The following FAM228B variants were observed in gnomAD, a reference collection of about 807,000 sequenced individuals.
FAM228B encodes the protein protein FAM228B.
A neutral mutation model predicts 42.6 loss-of-function variants in FAM228B; 38 were observed. The ratio of observed to expected loss-of-function variants is 0.89; its 90% CI spans 0.69 to 1.17. The LOEUF (loss-of-function observed/expected upper bound fraction) is 1.17, where lower values mean the gene tolerates loss of function less well. FAM228B is among the 50% of genes most tolerant of loss of function. The probability of loss-of-function intolerance (pLI) is 0.00; values close to 1 mark genes in which losing one functional copy is unlikely to be tolerated. For synonymous variants in FAM228B, 109 were observed against 122.3 expected (o/e 0.89, Z 0.72); for missense variants, 344 against 367.3 (o/e 0.94, Z 0.52).
intron 3 of FAM228B, among the ~76,000 whole-genome samples, chr2:24,110,272 G>A (rs1462762211): frequency 6.6e-6 from 1 of 152,140 alleles, no homozygotes; most frequent in Non-Finnish European, 1.5e-5. Context: ...AGACACTGGG[G>A]CCTGCTTGAG....
At chr2:24,137,323 G>A (rs1185588499) in intron 3 of FAM228B, among the ~76,000 whole-genome samples, 2 of 152,090 alleles carry the variant, frequency 1.3e-5, no homozygotes, top group Non-Finnish European at 2.9e-5. Flanking sequence ...GGGTCTTATG[G>A]TAGGTCTGTT....
chr2:24,126,703 C>G (rs1006030265), intron 2 of FAM228B, among the ~76,000 whole-genome samples: 1 of 151,966 alleles, frequency 6.6e-6, no homozygotes, highest in Non-Finnish European at 1.5e-5. Flanking sequence ...CTCTGCCTCC[C>G]CGGTTCACGC....
intron 7 of FAM228B, among the ~76,000 whole-genome samples, chr2:24,155,740 C>T (rs537051175): frequency 6.8e-4 from 103 of 151,624 alleles, no homozygotes; most frequent in Admixed American, 2.8e-3. Context: ...AGGGTTTCAC[C>T]GTGTTGGCCA....
chr2:24,102,508 C>T (rs1381747711), intron 3 of FAM228B, among the ~76,000 whole-genome samples: 1 of 152,206 alleles, frequency 6.6e-6, no homozygotes, highest in East Asian at 1.9e-4. Flanking sequence ...AAGCCCAAGG[C>T]AGGCGGATCA....
intron 3 of FAM228B, among the ~76,000 whole-genome samples, chr2:24,101,544 C>T (rs989997294): frequency 1.3e-5 from 2 of 151,840 alleles, no homozygotes; most frequent in African/African-American, 2.4e-5. Context: ...AAACATAAAA[C>T]GTAATTGGAA....
chr2:24,107,992 C>A (rs1422491188), intron 3 of FAM228B, among the ~76,000 whole-genome samples: 3 of 152,018 alleles, frequency 2.0e-5, no homozygotes, highest in Non-Finnish European at 4.4e-5. Context: ...GAAATCGGTT[C>A]TTTGAAAGAA....
chr2:24,085,319 G>A (rs1665208704), intron 2 of FAM228B: 1 of 152,168 alleles, frequency 6.6e-6, no homozygotes, highest in Admixed American at 6.5e-5. Flanking sequence ...GGAGAAGGAT[G>A]CTGGCGATTG....
chr2:24,143,262 C>G (rs139677604), intron 5 of FAM228B, among the ~76,000 whole-genome samples: 27,063 of 151,980 alleles, frequency 0.18, 2,982 homozygotes, highest in Non-Finnish European at 0.25. Context: ...CTCACTGCAA[C>G]CTCCGCCTCC....
chr2:24,142,007 A>G lies in FAM228B; in HGVS notation c.441+2557A>G, dbSNP rs970311598. ...CAGCATTGGTAATCCATGTCTTCAG[A>G]TCCAGGTCCTTGCCCATGTCTGGCA... is the stretch of plus-strand genomic sequence containing the variant. On this transcript the variant is annotated intron_variant, in intron 5 of 10. Transcript: ENST00000615575. 2.0e-5 allele frequency among the ~76,000 whole-genome samples: 3 copies of G among 152,110 alleles called. No individual in the cohort carries two copies. The South Asian group carries it at 6.2e-4, about 32-fold the overall frequency.
Position 24,156,783 on chromosome 2 carries a change from C to CT in FAM228B, c.687-4723_687-4722insT, listed in dbSNP as rs1002218905. Among the ~76,000 whole-genome samples, 49 of 125,602 alleles carry CT rather than the reference C, an allele frequency of 3.9e-4. 1 individual carries two copies. The highest frequency in any genetic ancestry group is 6.9e-4 in the Non-Finnish European group (41 of 59,662). The allele number at this position is 125,602 out of a possible 152,430, so 82.4% of individuals were successfully genotyped here. A position where few individuals can be genotyped will look rare whatever the true frequency, so the allele number is the denominator to read the frequency against. On this transcript the variant is annotated intron_variant, in intron 7 of 10. Coordinates refer to ENST00000615575, the MANE Select transcript of FAM228B (RefSeq NM_001145710.2). ...TTATACATTTCTTTCCGCCCCCCCC[C>CT]CCCCAGCTTTTTGTTTCATTTATCT...
intron 5 of FAM228B, among the ~76,000 whole-genome samples, chr2:24,139,786 A>T (rs1666702787): frequency 6.6e-6 from 1 of 152,230 alleles, no homozygotes; most frequent in Non-Finnish European, 1.5e-5. Flanking sequence ...AAATTCTATT[A>T]CCCAGAATTA....
At chr2:24,159,798 G>A (rs1192603788) in intron 7 of FAM228B, among the ~76,000 whole-genome samples, 1 of 152,064 alleles carries the variant, frequency 6.6e-6, no homozygotes, top group Non-Finnish European at 1.5e-5. Flanking sequence ...ATTCTAGATT[G>A]ACAATTATTT....
At chr2:24,123,312 G>A (rs1345770091), upstream of FAM228B, 1 of 152,258 alleles carries the variant, frequency 6.6e-6, no homozygotes, top group Non-Finnish European at 1.5e-5. Flanking sequence ...ACGCGGTTGC[G>A]GGTGGGTGGC....
rs1665782037 is a variant in FAM228B at position 24,110,963 on chromosome 2, G to A, written c.-121+15734G>A. ...ACACTTGGTCAAAGAATTATTGTTG[G>A]AAACTACCAGGGTACTTAAATTGTT... On this transcript the variant is annotated intron_variant, in intron 3 of 10. Coordinates refer to the FAM228B transcript ENST00000613899. Among the ~76,000 whole-genome samples, 5 of 152,284 alleles carry A rather than the reference G, an allele frequency of 3.3e-5. No homozygotes were observed. The South Asian group carries it at 1.0e-3, about 32-fold the overall frequency.
chr2:24,100,498 AG>A (rs1170546741), intron 3 of FAM228B, among the ~76,000 whole-genome samples: 1 of 150,142 alleles, frequency 6.7e-6, no homozygotes, highest in Non-Finnish European at 1.5e-5. Context: ...TGCAGCCAAC[AG>A]ACACATGAAA....
At chr2:24,168,761 T>C (rs1056248568) in intron 10 of FAM228B, among the ~76,000 whole-genome samples, 1 of 151,972 alleles carries the variant, frequency 6.6e-6, no homozygotes, top group African/African-American at 2.4e-5. Flanking sequence ...GGGGGTATAA[T>C]AGAAGGGCAG....
intron 10 of FAM228B, among the ~76,000 whole-genome samples, chr2:24,168,558 G>A (rs2151035231): frequency 6.6e-6 from 1 of 152,318 alleles, no homozygotes; most frequent in South Asian, 2.1e-4. Flanking sequence ...GCTGATTAGA[G>A]TGGGTTCAGG....
chr2:24,154,049 C>G (rs1558392642), intron 7 of FAM228B, among the ~76,000 whole-genome samples: 2 of 152,246 alleles, frequency 1.3e-5, no homozygotes, highest in Non-Finnish European at 2.9e-5. Context: ...CAAACTCTCT[C>G]TCTGTACCAC....
At position 24,101,277 on chromosome 2, in the gene FAM228B, T is replaced by C. The variant is rs147585316; in HGVS notation, c.-121+6048T>C. The stretch of plus-strand genomic sequence containing the variant: ...TAAAGTATAATAATAAAAAAAGTTT[T>C]ACAACCTTATTTTTCTTCTACTACT... On this transcript the variant is annotated intron_variant, in intron 3 of 10. Transcript: ENST00000613899. Among the ~76,000 whole-genome samples the C allele has an allele frequency of 6.6e-5, 10 of 152,314 alleles. No individual in the cohort carries two copies. The East Asian group carries it at 1.7e-3, about 26-fold the overall frequency.
Sources: gnomAD v4.1 joint callset for allele counts (sites outside exome capture counted in the v4.1 genomes callset) on GRCh38, gnomAD v4.1.1 for gene constraint, MANE v1.5 for transcripts, NCBI Gene and HGNC (gene_info 2026-07-23, HGNC 2026-07-21) for gene names.